Variants in HMCN1 observed in about 807,000 individuals in gnomAD.
HMCN1 encodes hemicentin 1, also known as hemicentin-1.
HMCN1 carries 321 observed loss-of-function variants against 625.9 expected under a neutral mutation model. The observed-to-expected ratio is 0.51, with a 90% CI of 0.47 to 0.56. HMCN1 has a LOEUF of 0.56. Ranked by LOEUF, HMCN1 falls within the 20% of genes least tolerant of loss-of-function variation. The pLI is 0.00. For synonymous variants in HMCN1, 2,425 were observed against 2,417.6 expected, an observed-to-expected ratio of 1.00 and a Z score of -0.09; for missense variants, 6,588 against 6,887.3, an observed-to-expected ratio of 0.96 and a Z score of 1.54.
intron 4 of HMCN1, among the ~76,000 whole-genome samples, chr1:185,906,340 C>T (rs1247537078): frequency 6.6e-6 from 1 of 151,708 alleles, no homozygotes; most frequent in South Asian, 2.1e-4. Flanking sequence ...ATGTCTTTCC[C>T]AACAAGTAAT....
rs569344912 is a variant in HMCN1, at chr1:186,108,353, G to A, written c.10853-108G>A. 230 of 1,521,442 alleles carry A rather than the reference G, an allele frequency of 1.5e-4. 3 individuals carry two copies. In the South Asian group the frequency reaches 1.9e-3, roughly 13 times the overall value. The allele number at this position is 1,521,442 out of a possible 1,614,324, so 94.2% of individuals were successfully genotyped here. On this transcript the variant is annotated intron_variant, in intron 70 of 106. Transcript: ENST00000271588. ...ATTATCTAGGCTATAAATTAAATGA[G>A]TAATGTTTTAATTTTATGCCTCTTA...
rs764771309 is a variant in HMCN1 at position 186,172,164 on chromosome 1, A to C, written c.15814+33A>C. 9.3e-6 allele frequency: 15 copies of C among 1,612,682 alleles called. No homozygotes were observed. The Admixed American group carries it at 2.5e-4, about 27-fold the overall frequency. Reference sequence around the variant, plus strand: ...TCTGGCTGTTTCCGTGACTGAGATCAGTTTGCCGTCAACAAGTCAAGTAAG... The same window carrying C: ...TCTGGCTGTTTCCGTGACTGAGATCCGTTTGCCGTCAACAAGTCAAGTAAG... On this transcript the variant is annotated intron_variant, in intron 102 of 106. Transcript: ENST00000271588.
intron 57 of HMCN1, 42 bp downstream of exon 57, chr1:186,083,003 G>A: frequency 8.4e-7 from 1 of 1,189,032 alleles, no homozygotes; most frequent in Non-Finnish European, 1.2e-6. Flanking sequence ...GGTATGCTTG[G>A]AAAAGCAGAA....
Position 186,164,240 on chromosome 1 carries a change from C to CTTTTTTTTTT in HMCN1, c.15257-863_15257-854dup, listed in dbSNP as rs57317105. Among the ~76,000 whole-genome samples, 75 of 131,540 alleles carry CTTTTTTTTTT rather than the reference C, an allele frequency of 5.7e-4. 3 individuals carry two copies. Among genetic ancestry groups the CTTTTTTTTTT allele is most frequent in the African/African-American group, 2.3e-3 (74 of 32,622 alleles). The allele number at this position is 131,540 out of a possible 152,430, so 86.3% of individuals were successfully genotyped here. ...TTTGTTTCTGACATCTAACTTAAAT[C>CTTTTTTTTTT]TTTTTTTTTTTTTTTTTGAGACAGA... On this transcript the variant is annotated intron_variant, in intron 97 of 106. Coordinates refer to ENST00000271588, the MANE Select transcript of HMCN1 (RefSeq NM_031935.3).
chr1:185,951,797 T>TA (rs993618744), intron 11 of HMCN1, among the ~76,000 whole-genome samples: 2 of 151,792 alleles, frequency 1.3e-5, no homozygotes, highest in African/African-American at 4.9e-5. Context: ...GAGGAACGCC[T>TA]GGCTGCTGCG....
intron 6 of HMCN1, among the ~76,000 whole-genome samples, chr1:185,915,220 A>G (rs991360140): frequency 6.6e-6 from 1 of 152,110 alleles, no homozygotes; most frequent in Non-Finnish European, 1.5e-5. Context: ...GAAATAACAT[A>G]AAGTTTTATT....
intron 64 of HMCN1, 91 bp downstream of exon 64, chr1:186,091,008 T>C: frequency 7.2e-7 from 1 of 1,389,368 alleles, no homozygotes; most frequent in East Asian, 2.4e-5. Flanking sequence ...AATACCGAAT[T>C]CCATCCCATT....
rs56193945 is a variant in HMCN1, at chr1:185,950,376, C to T, written c.1829-12142C>T. Among the ~76,000 whole-genome samples, 871 of 151,830 alleles carry T rather than the reference C, an allele frequency of 5.7e-3. 5 individuals are homozygous for T. The highest frequency in any genetic ancestry group is 9.2e-3 in the Non-Finnish European group (625 of 67,980). ...CTAAAAGTATTAAAGCAGTGGCAGC[C>T]GCTGCACGCAGACATGAGGGCTAGG... On this transcript the variant is annotated intron_variant, in intron 11 of 106. Transcript: ENST00000271588.
intron 1 of HMCN1, among the ~76,000 whole-genome samples, chr1:185,832,440 T>C (rs1389787867): frequency 1.3e-5 from 2 of 152,128 alleles, no homozygotes; most frequent in African/African-American, 4.8e-5. Flanking sequence ...TTAAGACAAT[T>C]TGGTTCTGAG....
chr1:185,946,340 T>C (rs1376890261), intron 11 of HMCN1, among the ~76,000 whole-genome samples: 4 of 152,314 alleles, frequency 2.6e-5, no homozygotes, highest in Admixed American at 6.5e-5. Context: ...TTTTGAGCAC[T>C]ATAACCAACT....
chr1:186,069,708 G>A lies in HMCN1; in HGVS notation c.7925G>A (p.Gly2642Glu). Residue 2642 changes from glycine (G) to glutamate (E), a missense_variant, in exon 51 of 107, where the codon GGA (glycine) becomes GAA (glutamate). Coordinates refer to ENST00000271588, the MANE Select transcript of HMCN1 (RefSeq NM_031935.3). ...CTCAATGCACAGGAGGACAATGCTG[G>A]AAGATACTCTTGTGTAGCCACGAAT... ...QILNAQEDNA[G>E]RYSCVATNEA... 1.2e-6 allele frequency: 2 copies of A among 1,613,568 alleles called. No individual in the cohort carries two copies. Among genetic ancestry groups the A allele is most frequent in the African/African-American group, 1.3e-5 (1 of 75,046 alleles).
At chr1:186,103,708 A>G (rs761347834) in intron 69 of HMCN1, 40 bp downstream of exon 69, 1 of 1,540,112 alleles carries the variant, frequency 6.5e-7, no homozygotes. Flanking sequence ...AGGTTAGGTC[A>G]AACTTCTCAC....
At chr1:186,032,680 C>T (rs1240388780) in intron 36 of HMCN1, among the ~76,000 whole-genome samples, 1 of 151,990 alleles carries the variant, frequency 6.6e-6, no homozygotes, top group African/African-American at 2.4e-5. Flanking sequence ...TTATAAATTA[C>T]CCAGTCTTGG....
chr1:185,902,845 GTA>G (rs1196218199), intron 4 of HMCN1, among the ~76,000 whole-genome samples: 3 of 151,310 alleles, frequency 2.0e-5, no homozygotes, highest in Non-Finnish European at 4.4e-5. Flanking sequence ...ATGTATCTAT[GTA>G]TTTTTATAAC....
At chr1:185,850,640 C>T (rs2102327952) in intron 2 of HMCN1, among the ~76,000 whole-genome samples, 1 of 152,270 alleles carries the variant, frequency 6.6e-6, no homozygotes, top group Middle Eastern at 3.4e-3. Flanking sequence ...GAATCTGATA[C>T]AGACACTCTA....
chr1:185,965,058 G>A (rs1650306876), intron 13 of HMCN1, among the ~76,000 whole-genome samples: 1 of 151,860 alleles, frequency 6.6e-6, no homozygotes, highest in African/African-American at 2.4e-5. Context: ...TGATCTGTGA[G>A]AAGTTAACTT....
chr1:185,868,453 C>G (rs1663409802), intron 4 of HMCN1, among the ~76,000 whole-genome samples: 1 of 152,102 alleles, frequency 6.6e-6, no homozygotes. Flanking sequence ...GGCAGTTCCC[C>G]CATGCTTTTC....
In HMCN1 at chr1:185,922,582, T is replaced by A. The variant is rs538430915; in HGVS notation, c.1021+83T>A. On this transcript the variant is annotated intron_variant, in intron 7 of 106. Transcript: ENST00000271588. ...CTCAGACTGTCTATAATTTTATAATTTTGTAGTATTCAATAAAATTGAGAA... is the reference window on the plus strand; with the variant it reads ...CTCAGACTGTCTATAATTTTATAATATTGTAGTATTCAATAAAATTGAGAA... 1.5e-3 allele frequency: 1,897 copies of A among 1,303,096 alleles called. 2 individuals carry two copies. Among genetic ancestry groups the A allele is most frequent in the Non-Finnish European group, 1.9e-3 (1,735 of 926,908 alleles). 80.7% of individuals were successfully genotyped at this position (1,303,096 alleles called of 1,614,324 possible).
intron 2 of HMCN1, among the ~76,000 whole-genome samples, chr1:185,849,648 T>C (rs1662040802): frequency 6.6e-6 from 1 of 152,198 alleles, no homozygotes; most frequent in Non-Finnish European, 1.5e-5. Flanking sequence ...AATTGAGGCA[T>C]AGGGTATGAA....
Sources: allele counts gnomAD v4.1 joint callset (sites outside exome capture counted in the v4.1 genomes callset), GRCh38; gene constraint gnomAD v4.1.1; transcripts MANE v1.5; gene names NCBI Gene and HGNC (gene_info 2026-07-23, HGNC 2026-07-21).